The following NFATC2 variants were observed in gnomAD, a reference collection of about 807,000 sequenced individuals.
NFATC2 encodes the protein nuclear factor of activated T-cells, cytoplasmic 2.
Under a neutral mutation model 87.3 loss-of-function variants are expected in NFATC2, and 22 were observed. The ratio of observed to expected loss-of-function variants is 0.25; its 90% CI spans 0.18 to 0.36. NFATC2 has a LOEUF of 0.36. Among genes scored for constraint, NFATC2 ranks in the 10% least tolerant of loss-of-function variants. The probability of loss-of-function intolerance (pLI) is 1.00; values close to 1 mark genes in which losing one functional copy is unlikely to be tolerated. For synonymous variants in NFATC2, 565 were observed against 542.2 expected (o/e 1.04, Z -0.58); for missense variants, 1,149 against 1,259.1 (o/e 0.91, Z 1.32).
chr20:51,420,812 T>C (rs1980780612), intron 9 of NFATC2, among the ~76,000 whole-genome samples: 1 of 152,156 alleles, frequency 6.6e-6, no homozygotes, highest in African/African-American at 2.4e-5. Context: ...TTTCCATGTG[T>C]GCTAGTGGTC....
intron 5 of NFATC2, among the ~76,000 whole-genome samples, chr20:51,468,152 C>T (rs887913049): frequency 3.9e-5 from 6 of 152,110 alleles, no homozygotes; most frequent in African/African-American, 1.2e-4. Context: ...GCGCTGCCTC[C>T]GTGTGTGGGC....
chr20:51,517,164 A>G (rs2076365109), intron 2 of NFATC2, among the ~76,000 whole-genome samples: 1 of 152,202 alleles, frequency 6.6e-6, no homozygotes, highest in African/African-American at 2.4e-5. Context: ...TACCTACACT[A>G]TATGGTATAG....
rs370484727 is a variant in NFATC2, at chr20:51,442,805, T to A, written c.1850-7044A>T. On this transcript the variant is annotated intron_variant, in intron 6 of 10. Transcript: ENST00000371564. Reference sequence around the variant, plus strand: ...CGGGGCCACAGCCTGAGAGGGAGGCTGGGCATGGACCATCAGCTCTGACTC... The same window carrying A: ...CGGGGCCACAGCCTGAGAGGGAGGCAGGGCATGGACCATCAGCTCTGACTC... Among the ~76,000 whole-genome samples the A allele has an allele frequency of 2.5e-4, 38 of 151,782 alleles. No individual in the cohort carries two copies. In the East Asian group the frequency reaches 7.2e-3, roughly 29 times the overall value.
chr20:51,447,085 A>AG (rs1246525928), intron 6 of NFATC2, among the ~76,000 whole-genome samples: 2 of 31,242 alleles, frequency 6.4e-5, no homozygotes, highest in East Asian at 1.7e-3. Context: ...TACTTAATTT[A>AG]GAAAAAAAAA....
At chr20:51,421,537 G>C (rs1483802425) in intron 9 of NFATC2, among the ~76,000 whole-genome samples, 3 of 152,164 alleles carry the variant, frequency 2.0e-5, no homozygotes, top group Admixed American at 6.5e-5. Context: ...TCCACCTATC[G>C]TCGGAAGACA....
intron 9 of NFATC2, among the ~76,000 whole-genome samples, chr20:51,400,858 T>TAGAG (rs1268144220): frequency 6.6e-6 from 1 of 152,114 alleles, no homozygotes; most frequent in African/African-American, 2.4e-5. Flanking sequence ...TAGCATTGGG[T>TAGAG]AGAGACCAGA....
intron 3 of NFATC2, among the ~76,000 whole-genome samples, chr20:51,483,926 T>C (rs1349485290): frequency 6.7e-6 from 1 of 150,046 alleles, no homozygotes; most frequent in African/African-American, 2.4e-5. Flanking sequence ...CTTCTTCACA[T>C]AGCAGTCCAG....
rs1986097711 is a variant in NFATC2, at chr20:51,389,496, G to T, written c.*2000C>A. 1 of 152,168 alleles carries T rather than the reference G, an allele frequency of 6.6e-6. No individual in the cohort carries two copies. The highest frequency in any genetic ancestry group is 2.1e-4 in the South Asian group (1 of 4,834). The allele number at this position is 152,168 out of a possible 1,614,324, so 9.4% of individuals were successfully genotyped here. On this transcript the variant is annotated 3_prime_UTR_variant, in exon 11 of 11. Coordinates refer to ENST00000371564, the MANE Select transcript of NFATC2 (RefSeq NM_012340.5). ...TGCTAGTATAAGGAACTTATAATAA[G>T]GAACTTATTTTGTTCATGAGGAAGT...
intron 3 of NFATC2, among the ~76,000 whole-genome samples, chr20:51,494,258 G>C (rs13041217): frequency 6.6e-6 from 1 of 152,126 alleles, no homozygotes; most frequent in Non-Finnish European, 1.5e-5. Flanking sequence ...TTTGCTCAGA[G>C]AGGCTAAGTC....
chr20:51,403,588 G>C (rs376879791), intron 9 of NFATC2, among the ~76,000 whole-genome samples: 1 of 152,156 alleles, frequency 6.6e-6, no homozygotes, highest in Non-Finnish European at 1.5e-5. Context: ...TTGGAGATGG[G>C]GCCTTTGGGA....
At position 51,523,613 on chromosome 20, in the gene NFATC2, C is replaced by T. The variant is rs2076490247; in HGVS notation, c.628G>A (p.Ala210Thr). 3 of 1,613,738 alleles carry T rather than the reference C, an allele frequency of 1.9e-6. No homozygotes were observed. Among genetic ancestry groups the T allele is most frequent in the East Asian group, 4.5e-5 (2 of 44,880 alleles). The change falls in exon 2 of 11, where the codon GCT becomes ACT. Residue 210 changes from alanine to threonine, a missense_variant. Transcript: ENST00000371564. The surrounding 1 kb of genome is among the most constrained non-coding windows in gnomAD (Gnocchi z 6.9). ...DLCPQFQNIP[A>T]HYSPRTSPIM... The stretch of plus-strand genomic sequence containing the variant: ...GGCGAGGTTCTGGGGGAATAATGAG[C>T]AGGGATGTTTTGAAACTGCGGACAC...
At position 51,429,277 on chromosome 20, in the gene NFATC2, A is replaced by AC. The variant is rs1338185893; in HGVS notation, c.2722+2789_2722+2790insG. Among the ~76,000 whole-genome samples, 10 of 152,352 alleles carry AC rather than the reference A, an allele frequency of 6.6e-5. No individual in the cohort carries two copies. The East Asian group carries it at 1.2e-3, about 18-fold the overall frequency. On this transcript the variant is annotated intron_variant, in intron 9 of 10. Coordinates refer to ENST00000371564, the MANE Select transcript of NFATC2 (RefSeq NM_012340.5). The stretch of plus-strand genomic sequence containing the variant: ...GGCTTGCCACTGGGCACGAGCCACC[A>AC]GGGGACCTGCCCATTGGAGGGTCCT...
chr20:51,512,082 G>A (rs1337931294), intron 3 of NFATC2, among the ~76,000 whole-genome samples: 2 of 152,164 alleles, frequency 1.3e-5, no homozygotes, highest in African/African-American at 2.4e-5. Context: ...CCGACTAAGA[G>A]AGACAGAGAG....
rs1342015930 is a variant in NFATC2 at position 51,480,631 on chromosome 20, T to C, written c.1333-4971A>G. ...TTTTTCACTTTGGGTCAGACATATC[T>C]GAATTTCGATGCCAGCTCTGCTTCT... On this transcript the variant is annotated intron_variant, in intron 3 of 10. Coordinates refer to ENST00000371564, the MANE Select transcript of NFATC2 (RefSeq NM_012340.5). The surrounding 1 kb of genome is among the most constrained non-coding windows in gnomAD (Gnocchi z 4.2). Among the ~76,000 whole-genome samples, 3 of 152,170 alleles carry C rather than the reference T, an allele frequency of 2.0e-5. No homozygotes were observed. The highest frequency in any genetic ancestry group is 4.4e-5 in the Non-Finnish European group (3 of 68,034).
intron 1 of NFATC2, among the ~76,000 whole-genome samples, chr20:51,553,954 C>T (rs2076956286): frequency 6.6e-6 from 1 of 152,118 alleles, no homozygotes; most frequent in African/African-American, 2.4e-5. Flanking sequence ...AGCTGTCTTC[C>T]CCTGTATGCC....
At chr20:51,454,901 T>C (rs1225297937) in intron 5 of NFATC2, among the ~76,000 whole-genome samples, 2 of 152,238 alleles carry the variant, frequency 1.3e-5, no homozygotes, top group Non-Finnish European at 2.9e-5. Context: ...AATTTCCCTC[T>C]AACAACACAT....
chr20:51,426,208 G>A (rs576050292), intron 9 of NFATC2, among the ~76,000 whole-genome samples: 2 of 152,306 alleles, frequency 1.3e-5, no homozygotes, highest in South Asian at 4.1e-4. Flanking sequence ...GCTGGGCATG[G>A]TGGGTCACAG....
At chr20:51,501,123 C>G (rs967768442) in intron 3 of NFATC2, among the ~76,000 whole-genome samples, 4 of 151,888 alleles carry the variant, frequency 2.6e-5, no homozygotes, top group Non-Finnish European at 4.4e-5. Flanking sequence ...GGGCCACTCA[C>G]TGCTGGCTTG....
chr20:51,558,967 G>A (rs1215705480), intron 1 of NFATC2, among the ~76,000 whole-genome samples: 1 of 152,162 alleles, frequency 6.6e-6, no homozygotes, highest in African/African-American at 2.4e-5. Flanking sequence ...TGGCCTCAGG[G>A]GGCTTGTAAT....
Sources: allele counts gnomAD v4.1 joint callset (sites outside exome capture counted in the v4.1 genomes callset), GRCh38; gene constraint gnomAD v4.1.1; non-coding constraint Gnocchi (gnomAD v3.1); transcripts MANE v1.5; gene names NCBI Gene and HGNC (gene_info 2026-07-23, HGNC 2026-07-21).